DLG2: variants seen among roughly 807,000 people sequenced by gnomAD.
DLG2 encodes the protein discs large MAGUK scaffold protein 2.
A neutral mutation model predicts 132.5 loss-of-function variants in DLG2; 45 were observed. The observed-to-expected ratio is 0.34, with a 90% CI of 0.27 to 0.44. The LOEUF (loss-of-function observed/expected upper bound fraction) is 0.44, where lower values mean the gene tolerates loss of function less well. DLG2 is among the 20% of genes least tolerant of loss of function. The pLI is 1.00. For missense variants in DLG2, 1,045 were observed against 1,196.9 expected (o/e 0.87, Z 1.87); for synonymous variants, 424 against 419.6 (o/e 1.01, Z -0.13).
chr11:83,886,555 A>C (rs1325487322), intron 15 of DLG2, among the ~76,000 whole-genome samples: 2 of 152,240 alleles, frequency 1.3e-5, no homozygotes, highest in African/African-American at 2.4e-5. Flanking sequence ...AGAAAGTTAA[A>C]AAGGATACCC....
chr11:83,877,208 T>A (rs1018221979), intron 15 of DLG2, among the ~76,000 whole-genome samples: 1 of 152,140 alleles, frequency 6.6e-6, no homozygotes, highest in African/African-American at 2.4e-5. Context: ...ACCCTAACAA[T>A]TTAATAGATG....
At chr11:83,840,361 G>A (rs548309257) in intron 16 of DLG2, among the ~76,000 whole-genome samples, 90 of 152,282 alleles carry the variant, frequency 5.9e-4, no homozygotes, top group African/African-American at 2.0e-3. Flanking sequence ...TAAATGAATG[G>A]ATAAACTCCC....
At chr11:84,139,140 C>A (rs2094729044) in intron 9 of DLG2, among the ~76,000 whole-genome samples, 1 of 151,980 alleles carries the variant, frequency 6.6e-6, no homozygotes, top group Non-Finnish European at 1.5e-5. Flanking sequence ...CCTGATCATC[C>A]CATTCACATG....
chr11:83,590,843 T>C (rs1194000102), intron 19 of DLG2, among the ~76,000 whole-genome samples: 1 of 151,920 alleles, frequency 6.6e-6, no homozygotes, highest in Non-Finnish European at 1.5e-5. Flanking sequence ...CAAACTACCA[T>C]CAGAGAATAC....
chr11:84,419,677 G>C (rs549536963), intron 7 of DLG2, among the ~76,000 whole-genome samples: 1 of 152,176 alleles, frequency 6.6e-6, no homozygotes, highest in South Asian at 2.1e-4. Context: ...GACCAGTGCA[G>C]ATTTGCAGGG....
chr11:83,477,556 C>G (rs984551371), intron 22 of DLG2, among the ~76,000 whole-genome samples: 3 of 152,002 alleles, frequency 2.0e-5, no homozygotes, highest in Admixed American at 2.0e-4. Flanking sequence ...ATGTGTAACT[C>G]CAGGATACAG....
rs746968613 is a variant in DLG2, at chr11:83,508,403, A to ATTTTTTTTTTTTTTTTTTTTTT, written c.2194-24197_2194-24176dup. Among the ~76,000 whole-genome samples the ATTTTTTTTTTTTTTTTTTTTTT allele has an allele frequency of 2.5e-5, 2 of 80,202 alleles. 1 individual carries two copies. The highest frequency in any genetic ancestry group is 1.3e-4 in the African/African-American group (2 of 15,892). 52.6% of individuals were successfully genotyped at this position (80,202 alleles called of 152,430 possible). On this transcript the variant is annotated intron_variant, in intron 21 of 27. Transcript: ENST00000376104. The stretch of plus-strand genomic sequence containing the variant: ...AGGTGCACACCACCACGCCTGGCTA[A>ATTTTTTTTTTTTTTTTTTTTTT]TTTTTTTTTTTTTTTTTTTTTTAGT...
In DLG2 at chr11:83,772,271, A is replaced by T. The variant is rs77869076; in HGVS notation, c.1825+14419T>A. ...AAAAATAGAAAAAAATTGGCTGGGC[A>T]TGGTGATGTGCACCTGTGGTCCCAG... On this transcript the variant is annotated intron_variant, in intron 18 of 27. Transcript: ENST00000376104. Among the ~76,000 whole-genome samples the T allele has an allele frequency of 5.0e-3, 767 of 152,152 alleles. 5 individuals are homozygous for T. Among genetic ancestry groups the T allele is most frequent in the African/African-American group, 0.017 (715 of 41,510 alleles).
intron 10 of DLG2, among the ~76,000 whole-genome samples, chr11:84,063,681 C>T (rs996823474): frequency 1.3e-5 from 2 of 152,080 alleles, no homozygotes; most frequent in African/African-American, 4.8e-5. Context: ...TATTGCGGCA[C>T]TATTCACAAT....
chr11:83,688,155 C>T (rs139743902), intron 18 of DLG2, among the ~76,000 whole-genome samples: 2,004 of 152,256 alleles, frequency 0.013, 42 homozygotes, highest in African/African-American at 0.045. Context: ...TTAATTACCA[C>T]GAAATTATTC....
At chr11:84,413,824 T>C (rs1436727306) in intron 7 of DLG2, among the ~76,000 whole-genome samples, 1 of 152,202 alleles carries the variant, frequency 6.6e-6, no homozygotes, top group African/African-American at 2.4e-5. Flanking sequence ...GATATGGTAA[T>C]GCAGATTTTT....
chr11:85,128,136 A>T (rs1259997653), intron 5 of DLG2, among the ~76,000 whole-genome samples: 2 of 152,210 alleles, frequency 1.3e-5, no homozygotes, highest in African/African-American at 4.8e-5. Context: ...CCTGTTATAC[A>T]TAATAAAAAT....
intron 7 of DLG2, among the ~76,000 whole-genome samples, chr11:84,251,853 T>C (rs757560694): frequency 1.8e-4 from 28 of 151,810 alleles, no homozygotes; most frequent in East Asian, 3.9e-4. Flanking sequence ...TTGGCCAGGA[T>C]GGTCTTGATC....
intron 6 of DLG2, among the ~76,000 whole-genome samples, chr11:84,961,908 T>G (rs777279504): frequency 2.6e-5 from 4 of 152,186 alleles, no homozygotes; most frequent in Non-Finnish European, 5.9e-5. Flanking sequence ...AAAACACTTT[T>G]GTCCAACTAA....
At position 85,090,644 on chromosome 11, in the gene DLG2, T is replaced by C. The variant is rs146927280; in HGVS notation, c.357+21017A>G. ...TCCTCAACAATATCTCATTAGCATT[T>C]TTCAATGAAGGGTAAGCTTGTATTA... On this transcript the variant is annotated intron_variant, in intron 6 of 27. Coordinates refer to ENST00000376104, the MANE Select transcript of DLG2 (RefSeq NM_001142699.3). Among the ~76,000 whole-genome samples the C allele has an allele frequency of 9.6e-4, 146 of 152,330 alleles. 1 individual carries two copies. Among genetic ancestry groups the C allele is most frequent in the African/African-American group, 3.1e-3 (129 of 41,574 alleles).
chr11:84,820,729 C>T (rs926792686), intron 6 of DLG2, among the ~76,000 whole-genome samples: 3 of 147,782 alleles, frequency 2.0e-5, no homozygotes, highest in Non-Finnish European at 3.0e-5. Context: ...AGTGAAATAC[C>T]TTTTTTTTTT....
chr11:85,374,561 C>G (rs565684433), intron 3 of DLG2, among the ~76,000 whole-genome samples: 8 of 152,226 alleles, frequency 5.3e-5, no homozygotes, highest in African/African-American at 1.7e-4. Flanking sequence ...GTTGGCCAGG[C>G]TGGTCTCAAA....
At chr11:84,379,370 G>A (rs1206359475) in intron 7 of DLG2, among the ~76,000 whole-genome samples, 2 of 151,752 alleles carry the variant, frequency 1.3e-5, no homozygotes. Context: ...AAAATTTCCA[G>A]AAATTAAAAA....
intron 6 of DLG2, among the ~76,000 whole-genome samples, chr11:85,039,251 G>GTAACCTCTGCCAAAGGCCCAAATTCA (rs141991092): frequency 0.15 from 22,231 of 151,616 alleles, 1,762 homozygotes; most frequent in East Asian, 0.28. Context: ...GAGACATTCA[G>GTAACCTCTGCCAAAGGCCCAAATTCA]TCTCTAAACA....
Sources: allele counts gnomAD v4.1 joint callset (sites outside exome capture counted in the v4.1 genomes callset), GRCh38; gene constraint gnomAD v4.1.1; transcripts MANE v1.5; gene names NCBI Gene and HGNC (gene_info 2026-07-23, HGNC 2026-07-21).